ASIC2: variants seen among roughly 807,000 people sequenced by gnomAD.
The protein encoded by ASIC2 is acid sensing ion channel subunit 2, also known as acid-sensing ion channel 2.
In ASIC2, 25 loss-of-function variants were observed where a neutral mutation model predicts 57.3. That is an observed-to-expected ratio of 0.44 (90% CI 0.32 to 0.61). ASIC2 has a LOEUF of 0.61. Ranked by LOEUF, ASIC2 falls within the 20% of genes least tolerant of loss-of-function variation. The pLI, the probability that ASIC2 is intolerant of heterozygous loss-of-function variation, is 0.06. For missense variants in ASIC2, 641 were observed against 738.1 expected, an observed-to-expected ratio of 0.87 and a Z score of 1.52; for synonymous variants, 319 against 307.5, an observed-to-expected ratio of 1.04 and a Z score of -0.39.
chr17:33,849,437 A>G (rs1597901513), intron 1 of ASIC2, among the ~76,000 whole-genome samples: 1 of 152,106 alleles, frequency 6.6e-6, no homozygotes, highest in African/African-American at 2.4e-5. Context: ...TGTGTAACCT[A>G]CTCAAGGTCC....
At chr17:34,034,967 C>T (rs1037024209) in intron 1 of ASIC2, among the ~76,000 whole-genome samples, 5 of 151,900 alleles carry the variant, frequency 3.3e-5, no homozygotes, top group Non-Finnish European at 4.4e-5. Context: ...AATGCCATCC[C>T]CATCAAGCTA....
chr17:33,315,602 A>G (rs1257584679), intron 1 of ASIC2, among the ~76,000 whole-genome samples: 1 of 152,240 alleles, frequency 6.6e-6, no homozygotes, highest in African/African-American at 2.4e-5. Context: ...GATTCTCATT[A>G]TCTGAGAAAG....
intron 1 of ASIC2, among the ~76,000 whole-genome samples, chr17:33,243,858 A>G (rs1473465768): frequency 2.0e-5 from 3 of 152,214 alleles, no homozygotes; most frequent in African/African-American, 7.2e-5. Flanking sequence ...ATCCTCTGAA[A>G]GAAGGACAAT....
intron 1 of ASIC2, among the ~76,000 whole-genome samples, chr17:33,285,013 T>C (rs1446438677): frequency 1.3e-5 from 2 of 152,206 alleles, no homozygotes; most frequent in African/African-American, 4.8e-5. Context: ...TTAATGTGCA[T>C]TGACTCCAAT....
At chr17:33,561,439 C>T (rs1349730418) in intron 1 of ASIC2, among the ~76,000 whole-genome samples, 3 of 152,160 alleles carry the variant, frequency 2.0e-5, no homozygotes. Flanking sequence ...AATTCATTCC[C>T]ACCTGTAGCA....
chr17:34,044,517 T>C (rs1289158072), intron 1 of ASIC2, among the ~76,000 whole-genome samples: 1 of 152,110 alleles, frequency 6.6e-6, no homozygotes, highest in Non-Finnish European at 1.5e-5. Context: ...CCTAAAATGG[T>C]CCATGACAAG....
intron 1 of ASIC2, among the ~76,000 whole-genome samples, chr17:34,122,076 G>T (rs953967496): frequency 1.3e-5 from 2 of 152,174 alleles, no homozygotes; most frequent in Non-Finnish European, 2.9e-5. Context: ...ACAAATGGTT[G>T]TTATCTTTTA....
intron 1 of ASIC2, among the ~76,000 whole-genome samples, chr17:34,121,248 C>G (rs1911612053): frequency 1.3e-5 from 2 of 152,076 alleles, no homozygotes; most frequent in Non-Finnish European, 2.9e-5. Context: ...CTTCTAGCCC[C>G]CGATCTGTGA....
chr17:33,908,889 G>A (rs1349435574), intron 1 of ASIC2, among the ~76,000 whole-genome samples: 1 of 152,140 alleles, frequency 6.6e-6, no homozygotes, highest in Non-Finnish European at 1.5e-5. Flanking sequence ...CTGGTGAACT[G>A]GTCCAGGTCA....
chr17:33,789,322 T>C (rs1597876795), intron 1 of ASIC2, among the ~76,000 whole-genome samples: 1 of 152,222 alleles, frequency 6.6e-6, no homozygotes, highest in Admixed American at 6.5e-5. Context: ...TGACATTTGC[T>C]GATTCCTCAC....
chr17:33,700,811 T>C (rs887307620), intron 1 of ASIC2, among the ~76,000 whole-genome samples: 3 of 152,112 alleles, frequency 2.0e-5, no homozygotes, highest in Non-Finnish European at 2.9e-5. Flanking sequence ...ACCGGAGAGA[T>C]GGGAGGGTCC....
chr17:33,030,099 T>C (rs2141905294), intron 3 of ASIC2, among the ~76,000 whole-genome samples: 2 of 152,348 alleles, frequency 1.3e-5, no homozygotes, highest in South Asian at 4.1e-4. Context: ...ATTTTCTTAA[T>C]GGTATCTATT....
chr17:33,357,818 G>A (rs985555489), intron 1 of ASIC2, among the ~76,000 whole-genome samples: 1 of 152,090 alleles, frequency 6.6e-6, no homozygotes, highest in African/African-American at 2.4e-5. Flanking sequence ...CCTAAATTCC[G>A]GGGTCTATTT....
At chr17:33,520,096 T>C (rs1914695600) in intron 1 of ASIC2, among the ~76,000 whole-genome samples, 2 of 152,224 alleles carry the variant, frequency 1.3e-5, no homozygotes, top group African/African-American at 4.8e-5. Context: ...GAGGGTATCT[T>C]TGCAACGAGA....
intron 1 of ASIC2, among the ~76,000 whole-genome samples, chr17:33,573,700 G>A (rs1916525380): frequency 6.6e-6 from 1 of 152,096 alleles, no homozygotes; most frequent in African/African-American, 2.4e-5. Context: ...TGAGTAGCTG[G>A]GACTACAGGT....
At chr17:33,410,869 C>A (rs997324229) in intron 1 of ASIC2, among the ~76,000 whole-genome samples, 7 of 152,176 alleles carry the variant, frequency 4.6e-5, no homozygotes, top group African/African-American at 1.7e-4. Context: ...ATGTTTGTAT[C>A]CAGCTGGAGA....
intron 1 of ASIC2, among the ~76,000 whole-genome samples, chr17:33,831,924 C>A (rs898363785): frequency 6.6e-6 from 1 of 152,206 alleles, no homozygotes; most frequent in African/African-American, 2.4e-5. Flanking sequence ...GATCAGCCCC[C>A]ATGTCTCTTC....
At position 33,470,875 on chromosome 17, in the gene ASIC2, C is replaced by T. The variant is rs564415508; in HGVS notation, c.556-358808G>A. Among the ~76,000 whole-genome samples the T allele has an allele frequency of 7.9e-5, 12 of 151,808 alleles. No homozygotes were observed. The South Asian group carries it at 1.7e-3, about 21-fold the overall frequency. ...TACTTCCCCTGTGGGCCCTGCTTCT[C>T]AGTTATGTTTCTGTTTCTACATCAA... On this transcript the variant is annotated intron_variant, in intron 1 of 9. Transcript: ENST00000359872.
At chr17:33,400,801 C>T (rs762431045) in intron 1 of ASIC2, among the ~76,000 whole-genome samples, 2 of 152,156 alleles carry the variant, frequency 1.3e-5, no homozygotes, top group African/African-American at 2.4e-5. Flanking sequence ...TTCCTACCTG[C>T]CCCCTATCCC....
Sources: allele counts gnomAD v4.1 joint callset (sites outside exome capture counted in the v4.1 genomes callset), GRCh38; gene constraint gnomAD v4.1.1; transcripts MANE v1.5; gene names NCBI Gene and HGNC (gene_info 2026-07-23, HGNC 2026-07-21).